Variants in PITPNM2 observed in about 807,000 individuals in gnomAD.
PITPNM2 encodes phosphatidylinositol transfer protein membrane associated 2, also known as membrane-associated phosphatidylinositol transfer protein 2.
Under a neutral mutation model 132.2 loss-of-function variants are expected in PITPNM2, and 35 were observed. That is an observed-to-expected ratio of 0.26 (90% CI 0.20 to 0.35). The LOEUF is 0.35. Ranked by LOEUF, PITPNM2 falls within the 10% of genes least tolerant of loss-of-function variation. The probability of loss-of-function intolerance (pLI) is 1.00; values close to 1 mark genes in which losing one functional copy is unlikely to be tolerated. For missense variants in PITPNM2, 1,332 were observed against 1,912.0 expected (o/e 0.70, Z 5.66); for synonymous variants, 738 against 799.2 (o/e 0.92, Z 1.29).
chr12:123,121,473 TTA>T (rs1466069382), intron 1 of PITPNM2, among the ~76,000 whole-genome samples: 2 of 152,240 alleles, frequency 1.3e-5, no homozygotes, highest in Non-Finnish European at 2.9e-5. Context: ...CTACAGTGAA[TTA>T]TACCTTTTTT....
rs757365339 is a variant in PITPNM2 at position 123,117,265 on chromosome 12, G to A, written c.-199-6777C>T. Among the ~76,000 whole-genome samples the A allele has an allele frequency of 6.6e-5, 10 of 152,216 alleles. No homozygotes were observed. Among genetic ancestry groups the A allele is most frequent in the South Asian group, 2.1e-4 (1 of 4,830 alleles). On this transcript the variant is annotated intron_variant, in intron 1 of 25. Transcript: ENST00000320201. This position sits in a 1 kb window ranked among gnomAD's most constrained non-coding sequence, Gnocchi z 4.7. ...CGGTGCTGAGTTTCAAACAGCGGTC[G>A]TGAGGCTGGGGAATTTCTCCAGTGA...
At chr12:123,063,837 G>A (rs755339840) in intron 2 of PITPNM2, among the ~76,000 whole-genome samples, 2 of 152,168 alleles carry the variant, frequency 1.3e-5, no homozygotes, top group Non-Finnish European at 2.9e-5. Flanking sequence ...AACTCTCTGA[G>A]CCTCAGTTCT....
At chr12:123,126,867 C>T (rs1337011389) in intron 1 of PITPNM2, among the ~76,000 whole-genome samples, 4 of 152,224 alleles carry the variant, frequency 2.6e-5, no homozygotes, top group African/African-American at 9.6e-5. Context: ...TGTGATGAAG[C>T]TTGCATGAAT....
chr12:123,006,152 G>A (rs925106914), intron 6 of PITPNM2: 2 of 151,900 alleles, frequency 1.3e-5, no homozygotes, highest in Non-Finnish European at 2.9e-5. Context: ...AATTTTCTGG[G>A]AGATTCCTGC....
rs556816533 is a variant in PITPNM2, at chr12:123,023,079, T to C, written c.79-9037A>G. On this transcript the variant is annotated intron_variant, in intron 3 of 25. Coordinates refer to ENST00000320201, the MANE Select transcript of PITPNM2 (RefSeq NM_020845.3). The surrounding 1 kb of genome is among the most constrained non-coding windows in gnomAD (Gnocchi z 4.8). ...ACATGGAATTTATTGCACAGCTGAA[T>C]GAGGTAGGCAGTTCGAAGCACAGGC... Among the ~76,000 whole-genome samples the C allele has an allele frequency of 7.7e-4, 118 of 152,328 alleles. 1 individual carries two copies. Among genetic ancestry groups the C allele is most frequent in the African/African-American group, 2.7e-3 (114 of 41,576 alleles).
chr12:122,996,655 CCT>C, intron 12 of PITPNM2, 64 bp downstream of exon 12: 1 of 1,611,488 alleles, frequency 6.2e-7, no homozygotes, highest in Non-Finnish European at 8.5e-7. Context: ...TCACCTTCCC[CCT>C]GAGGCCAGCC....
intron 10 of PITPNM2, among the ~76,000 whole-genome samples, 168 bp from the exon 11 acceptor site, chr12:122,997,740 A>T (rs2038493201): frequency 6.6e-6 from 1 of 151,846 alleles, no homozygotes; most frequent in Admixed American, 6.6e-5. Flanking sequence ...GGCTGCCTCA[A>T]CCCCTCCCCT....
At chr12:123,100,123 G>T (rs2042523250) in intron 2 of PITPNM2, among the ~76,000 whole-genome samples, 1 of 152,208 alleles carries the variant, frequency 6.6e-6, no homozygotes, top group Non-Finnish European at 1.5e-5. Context: ...ACTTGCCCAA[G>T]GTGTCCCAGG....
At chr12:123,003,898 G>A (rs935455786) in intron 8 of PITPNM2, among the ~76,000 whole-genome samples, 12 of 152,224 alleles carry the variant, frequency 7.9e-5, no homozygotes, top group African/African-American at 2.7e-4. Flanking sequence ...CTGCTGTATG[G>A]TCATGCGCTT....
chr12:122,995,487 G>T lies in PITPNM2; in HGVS notation c.1956C>A (p.Asn652Lys), dbSNP rs61751326. 3 of 1,613,906 alleles carry T rather than the reference G, an allele frequency of 1.9e-6. No homozygotes were observed. Among genetic ancestry groups the T allele is most frequent in the Middle Eastern group, 3.3e-4 (2 of 6,058 alleles). ...SRSNVDIPRS[N>K]GTEDPKRQLP... ...GTTGCCTTTTGGGGTCCTCAGTGCC[G>T]TTGCTGCGGGGGATGTCGACGTTGC... Residue 652 changes from asparagine to lysine, a missense_variant, in exon 14 of 26, where the codon AAC (asparagine) becomes AAA (lysine). Coordinates refer to ENST00000320201, the MANE Select transcript of PITPNM2 (RefSeq NM_020845.3).
chr12:123,062,086 G>A (rs2041256379), intron 2 of PITPNM2, among the ~76,000 whole-genome samples: 1 of 152,170 alleles, frequency 6.6e-6, no homozygotes, highest in Non-Finnish European at 1.5e-5. Context: ...GCTTGCATCT[G>A]TCTGCTCCCC....
chr12:123,054,213 C>T (rs996446395), intron 2 of PITPNM2, among the ~76,000 whole-genome samples: 1 of 151,346 alleles, frequency 6.6e-6, no homozygotes, highest in Admixed American at 6.6e-5. Flanking sequence ...CTCTTGGGCT[C>T]GAGCGATCCA....
At chr12:123,044,307 C>T (rs2136568705) in intron 2 of PITPNM2, among the ~76,000 whole-genome samples, 1 of 152,312 alleles carries the variant, frequency 6.6e-6, no homozygotes, top group South Asian at 2.1e-4. Flanking sequence ...AGTGCCAGGG[C>T]TTTTCAGGAG....
At chr12:122,996,668 C>G (rs1020136276) in intron 12 of PITPNM2, 53 bp downstream of exon 12, 1 of 1,611,212 alleles carries the variant, frequency 6.2e-7, no homozygotes, top group Admixed American at 1.7e-5. Flanking sequence ...GAGGCCAGCC[C>G]GCCCTACAGG....
intron 1 of PITPNM2, among the ~76,000 whole-genome samples, chr12:123,138,241 G>A (rs774928852): frequency 3.9e-5 from 6 of 152,054 alleles, no homozygotes; most frequent in Non-Finnish European, 8.8e-5. Flanking sequence ...GAGCTCAGGA[G>A]TTCAAGACCA....
At chr12:123,016,652 C>CA (rs1004251652) in intron 3 of PITPNM2, among the ~76,000 whole-genome samples, 2 of 151,838 alleles carry the variant, frequency 1.3e-5, no homozygotes, top group African/African-American at 4.8e-5. Context: ...GGTTAGTATT[C>CA]AAAAAAACCT....
chr12:123,088,523 G>A (rs778888230), intron 2 of PITPNM2: 1 of 152,382 alleles, frequency 6.6e-6, no homozygotes, highest in East Asian at 1.9e-4. Context: ...GTAGCGACTG[G>A]AAGTGGAGGG....
At chr12:123,096,221 G>A (rs893875909) in intron 2 of PITPNM2, among the ~76,000 whole-genome samples, 49 of 152,226 alleles carry the variant, frequency 3.2e-4, no homozygotes, top group African/African-American at 1.2e-3. Flanking sequence ...ATCTCCATCT[G>A]TAGCCAGCAA....
intron 3 of PITPNM2, among the ~76,000 whole-genome samples, chr12:123,024,364 C>T (rs574174110): frequency 1.4e-4 from 21 of 152,234 alleles, no homozygotes; most frequent in African/African-American, 4.6e-4. Flanking sequence ...AACAGTTTGG[C>T]GGTTCCTCAA....
Sources: gnomAD v4.1 joint callset for allele counts (sites outside exome capture counted in the v4.1 genomes callset) on GRCh38, gnomAD v4.1.1 for gene constraint, Gnocchi (gnomAD v3.1) non-coding constraint, MANE v1.5 for transcripts, NCBI Gene and HGNC (gene_info 2026-07-23, HGNC 2026-07-21) for gene names.